The following SLFN13 variants were observed in gnomAD, a reference collection of about 807,000 sequenced individuals.
The protein encoded by SLFN13 is schlafen family member 13.
SLFN13 carries 43 observed loss-of-function variants against 50.6 expected under a neutral mutation model. The observed-to-expected ratio is 0.85, with a 90% CI of 0.67 to 1.09. The LOEUF is 1.09. Among genes scored for constraint, SLFN13 ranks in the 50% least tolerant of loss-of-function variants. The probability of loss-of-function intolerance (pLI) is 0.00; values close to 1 mark genes in which losing one functional copy is unlikely to be tolerated. For synonymous variants in SLFN13, 339 were observed against 386.5 expected (o/e 0.88, Z 1.44); for missense variants, 881 against 1,071.1 (o/e 0.82, Z 2.48).
chr17:35,445,627 G>T lies in SLFN13; in HGVS notation c.54C>A (p.Val18=). 4 of 1,614,074 alleles carry T rather than the reference G, an allele frequency of 2.5e-6. No homozygotes were observed. Among genetic ancestry groups the T allele is most frequent in the Non-Finnish European group, 3.4e-6 (4 of 1,179,990 alleles). The change falls in exon 3 of 6, where the codon GTC becomes GTA. Residue 18 remains valine (V), a synonymous_variant. Coordinates refer to ENST00000285013, the MANE Select transcript of SLFN13 (RefSeq NM_144682.6). Reference sequence around the variant, plus strand: ...CCAGAGTCACTTCTCCGACATCGATGACCAGGTCTGGGTAAGATGGATACA... The same window carrying T: ...CCAGAGTCACTTCTCCGACATCGATTACCAGGTCTGGGTAAGATGGATACA... ...LGVYPSYPDL[V]IDVGEVTLGE...
At chr17:35,449,673 T>C (rs985738363), upstream of SLFN13, among the ~76,000 whole-genome samples, 5 of 152,082 alleles carry the variant, frequency 3.3e-5, no homozygotes, top group African/African-American at 1.2e-4. Context: ...ACGAAACCCA[T>C]ACACTCGGAC....
In SLFN13 at chr17:35,445,086, C is replaced by T; in HGVS notation, c.595G>A (p.Glu199Lys). 2 of 1,613,894 alleles carry T rather than the reference C, an allele frequency of 1.2e-6. No individual in the cohort carries two copies. Among genetic ancestry groups the T allele is most frequent in the Non-Finnish European group, 8.5e-7 (1 of 1,180,018 alleles). Reference sequence around the variant, plus strand: ...GGAAAAGATAGGATTTCACCATATTCAATAGTGTCAGTTTGGAAAACTTCA... The same window carrying T: ...GGAAAAGATAGGATTTCACCATATTTAATAGTGTCAGTTTGGAAAACTTCA... The part of the protein sequence containing the change: ...AYEVFQTDTI[E>K]YGEILSFPES... The change falls in exon 3 of 6, where the codon GAA (glutamate) becomes AAA (lysine). Residue 199 changes from glutamate to lysine, a missense_variant. By Grantham distance (56) the Glu-to-Lys change is moderately conservative. Around this residue, in one of 5 missense-constraint regions of SLFN13, gnomAD observed 497 missense variants for 518.3 expected, o/e 0.96. Transcript: ENST00000285013.
Position 35,441,251 on chromosome 17 carries a change from A to G in SLFN13, c.2038T>C (p.Trp680Arg), listed in dbSNP as rs1441853009. Residue 680 changes from tryptophan (W) to arginine (R), a missense_variant, in exon 6 of 6, where the codon TGG (tryptophan) becomes CGG (arginine). By Grantham distance (101) the Trp-to-Arg change is moderately radical. Around this residue, in one of 5 missense-constraint regions of SLFN13, gnomAD observed 322 missense variants for 327.4 expected, o/e 0.98. Coordinates refer to ENST00000285013, the MANE Select transcript of SLFN13 (RefSeq NM_144682.6). ...GTGATGGTTTTTGCCTTCCTATACC[A>G]GTCCCCATCTTCAGTACGGAAATTC... ...AQNFRTEDGD[W>R]YRKAKTITQR... 6.2e-7 allele frequency: 1 copy of G among 1,613,964 alleles called. No homozygotes were observed. Among genetic ancestry groups the G allele is most frequent in the South Asian group, 1.1e-5 (1 of 91,090 alleles).
intron 1 of SLFN13, among the ~76,000 whole-genome samples, chr17:35,447,702 C>T (rs1913287978): frequency 6.6e-6 from 1 of 152,188 alleles, no homozygotes; most frequent in Admixed American, 6.5e-5. Flanking sequence ...GCGACAGAGG[C>T]TCCCTCTTGG....
In SLFN13 at chr17:35,441,059, C is replaced by A; in HGVS notation, c.2230G>T (p.Glu744Ter). 6.2e-7 allele frequency: 1 copy of A among 1,613,764 alleles called. No homozygotes were observed. Among genetic ancestry groups the A allele is most frequent in the Non-Finnish European group, 8.5e-7 (1 of 1,180,020 alleles). Residue 744 changes from glutamate (E) to a stop codon, truncating the protein, a stop_gained, in exon 6 of 6, where the codon GAA becomes TAA. Coordinates refer to ENST00000285013, the MANE Select transcript of SLFN13 (RefSeq NM_144682.6). LOFTEE classifies it low-confidence loss of function (END_TRUNC). Reference sequence around the variant, plus strand: ...GGATTTTCTATAATTAGTTGCATTTCTTGTTGTATGTACTCGGCTATTTCA... The same window carrying A: ...GGATTTTCTATAATTAGTTGCATTTATTGTTGTATGTACTCGGCTATTTCA... ...ADEIAEYIQQEMQLIIENPPI... is the reference protein window; with the variant it reads ...ADEIAEYIQQ
Position 35,437,166 on chromosome 17 carries a change from A to G in SLFN13, c.*3429T>C, listed in dbSNP as rs532255683. 2 of 152,284 alleles carry G rather than the reference A, an allele frequency of 1.3e-5. No homozygotes were observed. Among genetic ancestry groups the G allele is most frequent in the East Asian group, 3.9e-4 (2 of 5,188 alleles). The allele number at this position is 152,284 out of a possible 1,614,324, so 9.4% of individuals were successfully genotyped here. A position where few individuals can be genotyped will look rare whatever the true frequency, so the allele number is the denominator to read the frequency against. On this transcript the variant is annotated 3_prime_UTR_variant, in exon 6 of 6. Transcript: ENST00000285013. Reference sequence around the variant, plus strand: ...AGGACTCTGGGCACACTGACATTTAATAACTAATTTTAAACTTTTGATTGT... The same window carrying G: ...AGGACTCTGGGCACACTGACATTTAGTAACTAATTTTAAACTTTTGATTGT...
In SLFN13 at chr17:35,445,030, G is replaced by C. The variant is rs781105894; in HGVS notation, c.651C>G (p.Phe217Leu). The C allele has an allele frequency of 5.1e-5, 82 of 1,613,976 alleles. 1 individual carries two copies. Among genetic ancestry groups the C allele is most frequent in the Admixed American group, 3.3e-5 (2 of 60,008 alleles). Residue 217 changes from phenylalanine (F) to leucine (L), a missense_variant, in exon 3 of 6, where the codon TTC (phenylalanine) becomes TTG (leucine). This residue lies in a region of SLFN13 where 497 missense variants were observed against 518.3 expected (regional missense o/e 0.96). Coordinates refer to ENST00000285013, the MANE Select transcript of SLFN13 (RefSeq NM_144682.6). ...CATATTGTTGGATATGTTTTGTAGA[G>C]AACTGTTTAAACTCTATGGATGGAG... ...PESPSIEFKQ[F>L]STKHIQQYVE...
In SLFN13 at chr17:35,441,604, A is replaced by T; in HGVS notation, c.1881T>A (p.Ile627=). The T allele has an allele frequency of 6.3e-7, 1 of 1,585,340 alleles. No homozygotes were observed. The highest frequency in any genetic ancestry group is 1.2e-5 in the South Asian group (1 of 85,502). The change falls in exon 5 of 6, where the codon ATT becomes ATA. Residue 627 remains isoleucine, a synonymous_variant. Coordinates refer to ENST00000285013, the MANE Select transcript of SLFN13 (RefSeq NM_144682.6). ...RNVFHCEAHR[I]LYVCENQPLR... is the part of the protein sequence containing the mutation. ...GAGGCTGGTTTTCACAAACGTAGAG[A>T]ATTCTGTGTGCCTCACAGTGAAACA... is the stretch of plus-strand genomic sequence containing the variant.
rs1913130306 is a variant in SLFN13, at chr17:35,445,082, T to C, written c.599A>G (p.Tyr200Cys). 2 of 1,614,004 alleles carry C rather than the reference T, an allele frequency of 1.2e-6. No homozygotes were observed. The highest frequency in any genetic ancestry group is 1.7e-6 in the Non-Finnish European group (2 of 1,180,036). ...CTCAGGAAAAGATAGGATTTCACCA[T>C]ATTCAATAGTGTCAGTTTGGAAAAC... ...YEVFQTDTIE[Y>C]GEILSFPESP... Residue 200 changes from tyrosine to cysteine, a missense_variant, in exon 3 of 6, where the codon TAT becomes TGT. Physicochemically the swap from Tyr to Cys is radical, Grantham distance 194. Coordinates refer to ENST00000285013, the MANE Select transcript of SLFN13 (RefSeq NM_144682.6).
intron 4 of SLFN13, among the ~76,000 whole-genome samples, chr17:35,443,068 A>G (rs954649474): frequency 6.6e-6 from 1 of 152,210 alleles, no homozygotes; most frequent in Admixed American, 6.5e-5. Context: ...TGTGTATCAT[A>G]TTCTTTTGTC....
rs73293375 is a variant in SLFN13 at position 35,440,387 on chromosome 17, G to C, written c.*208C>G. ...GGCTGCAAGAGTCAGGGGTCAGAATGGGGGGCAGCCACCACTGCTGAAAAG... is the reference window on the plus strand; with the variant it reads ...GGCTGCAAGAGTCAGGGGTCAGAATCGGGGGCAGCCACCACTGCTGAAAAG... On this transcript the variant is annotated 3_prime_UTR_variant, in exon 6 of 6. Coordinates refer to ENST00000285013, the MANE Select transcript of SLFN13 (RefSeq NM_144682.6). 9 of 621,392 alleles carry C rather than the reference G, an allele frequency of 1.4e-5. No individual in the cohort carries two copies. The Admixed American group carries it at 1.5e-4, about 10-fold the overall frequency. 38.5% of individuals were successfully genotyped at this position (621,392 alleles called of 1,614,324 possible).
In SLFN13 at chr17:35,440,020, A is replaced by C. The variant is rs748168978; in HGVS notation, c.*575T>G. 2.0e-5 allele frequency: 3 copies of C among 152,802 alleles called. No homozygotes were observed. Among genetic ancestry groups the C allele is most frequent in the Non-Finnish European group, 4.4e-5 (3 of 68,584 alleles). The allele number at this position is 152,802 out of a possible 1,614,324, so 9.5% of individuals were successfully genotyped here. ...TTTTAAGGATTAAATAATCATAACAATATTGTTTGTTCTGCCGAAATGATT... is the reference window on the plus strand; with the variant it reads ...TTTTAAGGATTAAATAATCATAACACTATTGTTTGTTCTGCCGAAATGATT... On this transcript the variant is annotated 3_prime_UTR_variant, in exon 6 of 6. Transcript: ENST00000285013.
In SLFN13 at chr17:35,444,903, C is replaced by A. The variant is rs753900500; in HGVS notation, c.778G>T (p.Ala260Ser). 2 of 1,614,088 alleles carry A rather than the reference C, an allele frequency of 1.2e-6. No homozygotes were observed. Among genetic ancestry groups the A allele is most frequent in the African/African-American group, 2.7e-5 (2 of 74,934 alleles). The change falls in exon 3 of 6, where the codon GCC becomes TCC. Residue 260 changes from alanine to serine, a missense_variant. Ala to Ser is a moderately conservative substitution (Grantham distance 99). Coordinates refer to ENST00000285013, the MANE Select transcript of SLFN13 (RefSeq NM_144682.6). ...DDKSRKVLGC[A>S]KEQVDPDSLK... ...GAGTCAGGGTCAACCTGTTCTTTGG[C>A]ACATCCCAGGACTTTCCTACTCTTA...
At position 35,437,143 on chromosome 17, in the gene SLFN13, G is replaced by A. The variant is rs769578996; in HGVS notation, c.*3452C>T. ...CCATCAGGATCATCTGTGGTCAAAG[G>A]ACTCTGGGCACACTGACATTTAATA... On this transcript the variant is annotated 3_prime_UTR_variant, in exon 6 of 6. Transcript: ENST00000285013. 2.0e-5 allele frequency: 3 copies of A among 152,078 alleles called. No homozygotes were observed. The highest frequency in any genetic ancestry group is 4.4e-5 in the Non-Finnish European group (3 of 68,028). 9.4% of individuals were successfully genotyped at this position (152,078 alleles called of 1,614,324 possible). A position where few individuals can be genotyped will look rare whatever the true frequency, so the allele number is the denominator to read the frequency against.
intron 1 of SLFN13, among the ~76,000 whole-genome samples, chr17:35,447,616 C>T (rs11080350): frequency 0.29 from 43,785 of 152,060 alleles, 6,564 homozygotes; most frequent in South Asian, 0.51. Flanking sequence ...CTCCCATCCA[C>T]TCCCAAGCCC....
In SLFN13 at chr17:35,441,081, T is replaced by A. The variant is rs772678587; in HGVS notation, c.2208A>T (p.Glu736Asp). The A allele has an allele frequency of 1.2e-6, 2 of 1,614,026 alleles. No individual in the cohort carries two copies. Among genetic ancestry groups the A allele is most frequent in the Non-Finnish European group, 1.7e-6 (2 of 1,180,010 alleles). ...ELTRVVRNAD[E>D]IAEYIQQEMQ... ...TTTCTTGTTGTATGTACTCGGCTAT[T>A]TCATCTGCATTGCGAACTACTCTGG... Residue 736 changes from glutamate (E) to aspartate (D), a missense_variant, in exon 6 of 6, where the codon GAA (glutamate) becomes GAT (aspartate). Glu to Asp is a conservative substitution (Grantham distance 45, BLOSUM62 2). This residue lies in a region of SLFN13 where 322 missense variants were observed against 327.4 expected (regional missense o/e 0.98). Coordinates refer to ENST00000285013, the MANE Select transcript of SLFN13 (RefSeq NM_144682.6).
rs116096374 is a variant in SLFN13, at chr17:35,445,464, T to A, written c.217A>T (p.Thr73Ser). Residue 73 changes from threonine (T) to serine (S), a missense_variant, in exon 3 of 6, where the codon ACA becomes TCA. Physicochemically the swap from Thr to Ser is moderately conservative, Grantham distance 58 (BLOSUM62 1). This residue lies in a region of SLFN13 where 497 missense variants were observed against 518.3 expected (regional missense o/e 0.96). Transcript: ENST00000285013. The part of the protein sequence containing the change: ...MEMANRDERP[T>S]EMGLDLEESL... The stretch of plus-strand genomic sequence containing the variant: ...TCTTCTAAATCCAGTCCCATCTCTG[T>A]GGGACGCTCATCCCTGTTGGCCATT... 1 of 1,614,070 alleles carries A rather than the reference T, an allele frequency of 6.2e-7. No individual in the cohort carries two copies. Among genetic ancestry groups the A allele is most frequent in the East Asian group, 2.2e-5 (1 of 44,900 alleles).
rs908988173 is a variant in SLFN13 at position 35,435,285 on chromosome 17, T to C, written c.*5310A>G. On this transcript the variant is annotated 3_prime_UTR_variant, in exon 6 of 6. Transcript: ENST00000285013. Reference sequence around the variant, plus strand: ...ACATTGAACCTTGTGTTGCTATTCTTTATAGTGTTTTGCGGGGAGGGGGTT... The same window carrying C: ...ACATTGAACCTTGTGTTGCTATTCTCTATAGTGTTTTGCGGGGAGGGGGTT... The C allele has an allele frequency of 6.6e-6, 1 of 151,820 alleles. No homozygotes were observed. The highest frequency in any genetic ancestry group is 1.5e-5 in the Non-Finnish European group (1 of 67,974). 9.4% of individuals were successfully genotyped at this position (151,820 alleles called of 1,614,324 possible).
intron 4 of SLFN13, among the ~76,000 whole-genome samples, chr17:35,442,694 C>T (rs1440478036): frequency 3.3e-5 from 5 of 152,266 alleles, no homozygotes; most frequent in South Asian, 2.1e-4. Context: ...CTGCCCGCCT[C>T]GGCCTCCCAA....
Sources: allele counts gnomAD v4.1 joint callset (sites outside exome capture counted in the v4.1 genomes callset), GRCh38; gene constraint gnomAD v4.1.1; regional missense constraint gnomAD v4.1.1; transcripts MANE v1.5; gene names NCBI Gene and HGNC (gene_info 2026-07-23, HGNC 2026-07-21).